The following HSPA8 variants were observed in gnomAD, a reference collection of about 807,000 sequenced individuals.
HSPA8 encodes heat shock protein family A (Hsp70) member 8.
Under a neutral mutation model 52.8 loss-of-function variants are expected in HSPA8, and 2 were observed. That is an observed-to-expected ratio of 0.04 (90% CI 0.02 to 0.12). The LOEUF (loss-of-function observed/expected upper bound fraction) is 0.12, where lower values mean the gene tolerates loss of function less well. Ranked by LOEUF, HSPA8 falls within the 10% of genes least tolerant of loss-of-function variation. The probability of loss-of-function intolerance (pLI) is 1.00; values close to 1 mark genes in which losing one functional copy is unlikely to be tolerated. For synonymous variants in HSPA8, 436 were observed against 274.0 expected, an observed-to-expected ratio of 1.59 and a Z score of -5.84; for missense variants, 349 against 800.5, an observed-to-expected ratio of 0.44 and a Z score of 6.81.
chr11:123,058,002 A>G (rs1210663649), intron 8 of HSPA8, 83 bp from the exon 9 acceptor site: 13 of 1,141,246 alleles, frequency 1.1e-5, no homozygotes. Flanking sequence ...TGATACTAAA[A>G]GTCTGGCGCA....
In HSPA8 at chr11:123,057,553, T is replaced by TA. The variant is rs1169154871; in HGVS notation, c.*180_*181insT. On this transcript the variant is annotated 3_prime_UTR_variant, in exon 9 of 9. Transcript: ENST00000534624. ...TGCATTTTCCACTTACAATACAGTG[T>TA]TTATAAAGTGCAATGTTATTTCCTT... The TA allele has an allele frequency of 1.9e-6, 1 of 537,342 alleles. No homozygotes were observed. The highest frequency in any genetic ancestry group is 3.3e-6 in the Non-Finnish European group (1 of 305,846). 33.3% of individuals were successfully genotyped at this position (537,342 alleles called of 1,614,324 possible). A position where few individuals can be genotyped will look rare whatever the true frequency, so the allele number is the denominator to read the frequency against.
At chr11:123,058,543 A>G (rs1349730708) in intron 7 of HSPA8, 59 bp from the exon 8 acceptor site, 2 of 1,577,284 alleles carry the variant, frequency 1.3e-6, no homozygotes, top group African/African-American at 1.4e-5. Flanking sequence ...GTGTAACTCT[A>G]GTTTCTCTTA....
rs368933146 is a variant in HSPA8 at position 123,059,265 on chromosome 11, G to A, written c.1121-4C>T. ...GACAAGATGGCTGCCTGGACAGCTA[G>A]CAAACAAAAAGTTAACGTTAAAAGA... On this transcript the variant is annotated splice_polypyrimidine_tract_variant and splice_region_variant and intron_variant, in intron 5 of 8. Coordinates refer to ENST00000534624, the MANE Select transcript of HSPA8 (RefSeq NM_006597.6). 10 of 1,610,522 alleles carry A rather than the reference G, an allele frequency of 6.2e-6. No homozygotes were observed. The highest frequency in any genetic ancestry group is 2.7e-5 in the African/African-American group (2 of 74,800).
chr11:123,061,727 G>C (rs1047652202), intron 1 of HSPA8: 3 of 226,138 alleles, frequency 1.3e-5, no homozygotes, highest in South Asian at 1.1e-4. Context: ...GGTGGGACTG[G>C]ACTAAGCAGG....
chr11:123,057,969 CCTT>C (rs747395512), intron 8 of HSPA8, 50 bp from the exon 9 acceptor site: 12 of 1,395,016 alleles, frequency 8.6e-6, no homozygotes, highest in African/African-American at 1.4e-5. Flanking sequence ...TGTTAATAAC[CCTT>C]CTTTCTCCCT....
chr11:123,061,068 G>C, intron 2 of HSPA8, 52 bp downstream of exon 2: 1 of 1,492,308 alleles, frequency 6.7e-7, no homozygotes, highest in Non-Finnish European at 9.3e-7. Flanking sequence ...ATAAACTTTT[G>C]TGCTTCCTAG....
upstream of HSPA8, chr11:123,062,163 C>G (rs1331915571): frequency 6.5e-6 from 1 of 152,698 alleles, no homozygotes. Context: ...CACCCTGCCT[C>G]TTATACCCTA....
In HSPA8 at chr11:123,060,685, A is replaced by T; in HGVS notation, c.319T>A (p.Tyr107Asn). The change falls in exon 3 of 9, where the codon TAC (tyrosine) becomes AAC (asparagine). Residue 107 changes from tyrosine (Y) to asparagine (N), a missense_variant. Tyr to Asn is a moderately radical substitution (Grantham distance 143). Coordinates refer to ENST00000534624, the MANE Select transcript of HSPA8 (RefSeq NM_006597.6). ...DAGRPKVQVEYKGETKSFYPE... is the reference protein window; with the variant it reads ...DAGRPKVQVENKGETKSFYPE... ...TAGAAGCTTTTGGTCTCTCCCTTGT[A>T]TTCTACTTGGACCTTGGGCCTGCCA... 1 of 1,613,666 alleles carries T rather than the reference A, an allele frequency of 6.2e-7. No homozygotes were observed. The highest frequency in any genetic ancestry group is 8.5e-7 in the Non-Finnish European group (1 of 1,179,724).
rs776678845 is a variant in HSPA8 at position 123,059,843 on chromosome 11, C to T, written c.750G>A (p.Lys250=). ...CTCTCTTGTTCTCACTGATGTCCTT[C>T]TTATGCTTGCGCTTAAACTCAGCAA... is the stretch of plus-strand genomic sequence containing the variant. ...HFIAEFKRKH[K]KDISENKRAV... The change falls in exon 5 of 9, where the codon AAG becomes AAA. Residue 250 remains lysine, a synonymous_variant. Transcript: ENST00000534624. 3.1e-6 allele frequency: 5 copies of T among 1,613,520 alleles called. No homozygotes were observed. In the South Asian group the frequency reaches 5.5e-5, roughly 18 times the overall value.
At position 123,060,203 on chromosome 11, in the gene HSPA8, T is replaced by C; in HGVS notation, c.477A>G (p.Lys159=). The change falls in exon 4 of 9, where the codon AAA becomes AAG. Residue 159 remains lysine, a synonymous_variant. Coordinates refer to ENST00000534624, the MANE Select transcript of HSPA8 (RefSeq NM_006597.6). ...TGAGACCAGCAATAGTTCCAGCATC[T>C]TTGGTAGCCTGACGCTGAGAGTCAT... ...YFNDSQRQAT[K]DAGTIAGLNV... is the part of the protein sequence containing the mutation. 1 of 1,613,986 alleles carries C rather than the reference T, an allele frequency of 6.2e-7. No homozygotes were observed. Among genetic ancestry groups the C allele is most frequent in the Admixed American group, 1.7e-5 (1 of 60,018 alleles).
intron 2 of HSPA8, 145 bp from the exon 3 acceptor site, chr11:123,060,943 C>T: frequency 1.1e-6 from 1 of 880,272 alleles, no homozygotes; most frequent in Non-Finnish European, 1.8e-6. Flanking sequence ...CTTCAACCTC[C>T]TACGTTATCC....
At chr11:123,060,432 G>A (rs553387173) in intron 3 of HSPA8, 161 bp downstream of exon 3, 27 of 912,996 alleles carry the variant, frequency 3.0e-5, no homozygotes, top group Non-Finnish European at 4.5e-5. Flanking sequence ...GGTGTTGACA[G>A]ACCCATCTAC....
Position 123,057,692 on chromosome 11 carries a change from T to A in HSPA8, c.*42A>T. The A allele has an allele frequency of 6.6e-7, 1 of 1,513,192 alleles. No homozygotes were observed. The highest frequency in any genetic ancestry group is 8.9e-7 in the Non-Finnish European group (1 of 1,118,404). The allele number at this position is 1,513,192 out of a possible 1,614,324, so 93.7% of individuals were successfully genotyped here. A position where few individuals can be genotyped will look rare whatever the true frequency, so the allele number is the denominator to read the frequency against. The stretch of plus-strand genomic sequence containing the variant: ...GCTACGAATTTAGGTCCTTCAAATG[T>A]TTTAAATGTGTGGAACAATGCTACA... On this transcript the variant is annotated 3_prime_UTR_variant, in exon 9 of 9. Transcript: ENST00000534624.
At chr11:123,062,360 A>T (rs1174871309), upstream of HSPA8, 1 of 152,394 alleles carries the variant, frequency 6.6e-6, no homozygotes, top group Admixed American at 6.5e-5. Flanking sequence ...AGCGTTCTGG[A>T]ACTTTCAAGC....
At chr11:123,058,205 C>A in intron 8 of HSPA8, 47 bp downstream of exon 8, 1 of 1,175,898 alleles carries the variant, frequency 8.5e-7, no homozygotes, top group Non-Finnish European at 1.2e-6. Flanking sequence ...CCATCCCCTT[C>A]CCCTCCATTG....
upstream of HSPA8, chr11:123,062,172 T>C (rs555596864): frequency 1.3e-5 from 2 of 152,624 alleles, no homozygotes; most frequent in South Asian, 2.1e-4. Context: ...TCTTATACCC[T>C]ATCTTAGAAC....
intron 2 of HSPA8, 105 bp from the exon 3 acceptor site, chr11:123,060,903 C>G (rs1179242108): frequency 4.7e-6 from 5 of 1,069,070 alleles, no homozygotes; most frequent in Non-Finnish European, 5.6e-6. Context: ...TAGGTGAATT[C>G]AACTACCATA....
rs762092750 is a variant in HSPA8, at chr11:123,059,449, G to A, written c.1120+24C>T. ...TCACCTTGGGCCTGCCTGCCTTTAG[G>A]GTTAATTGAGATACCATTGTTACCT... On this transcript the variant is annotated intron_variant, in intron 5 of 8. Coordinates refer to ENST00000534624, the MANE Select transcript of HSPA8 (RefSeq NM_006597.6). The A allele has an allele frequency of 1.4e-5, 22 of 1,590,850 alleles. 1 individual carries two copies. Among genetic ancestry groups the A allele is most frequent in the South Asian group, 1.3e-4 (12 of 89,190 alleles).
rs1307984893 is a variant in HSPA8 at position 123,058,349 on chromosome 11, A to C, written c.1658T>G (p.Val553Gly). The stretch of plus-strand genomic sequence containing the variant: ...CTTGCCTTGAAGTTTCTCATCTTCA[A>C]CAGTTGCTTTCATGTTGAAGGCATA... The part of the protein sequence containing the change: ...ESYAFNMKAT[V>G]EDEKLQGKIN... The change falls in exon 8 of 9, where the codon GTT becomes GGT. Residue 553 changes from valine (V) to glycine (G), a missense_variant. By Grantham distance (109) the Val-to-Gly change is moderately radical. Coordinates refer to ENST00000534624, the MANE Select transcript of HSPA8 (RefSeq NM_006597.6). 1 of 1,613,756 alleles carries C rather than the reference A, an allele frequency of 6.2e-7. No individual in the cohort carries two copies. Among genetic ancestry groups the C allele is most frequent in the South Asian group, 1.1e-5 (1 of 91,072 alleles).
Sources: allele counts gnomAD v4.1 joint callset, GRCh38; gene constraint gnomAD v4.1.1; transcripts MANE v1.5; gene names NCBI Gene and HGNC (gene_info 2026-07-23, HGNC 2026-07-21).